The following PCLO variants were observed in gnomAD, a reference collection of about 807,000 sequenced individuals.
PCLO encodes the protein piccolo presynaptic cytomatrix protein.
PCLO carries 82 observed loss-of-function variants against 427.5 expected under a neutral mutation model. The ratio of observed to expected loss-of-function variants is 0.19; its 90% CI spans 0.16 to 0.23. PCLO has a LOEUF of 0.23. Among genes scored for constraint, PCLO ranks in the 10% least tolerant of loss-of-function variants. The pLI, the probability that PCLO is intolerant of heterozygous loss-of-function variation, is 1.00. For missense variants in PCLO, 6,239 were observed against 6,115.9 expected (o/e 1.02, Z -0.67); for synonymous variants, 2,357 against 2,155.4 (o/e 1.09, Z -2.59).
At chr7:83,069,414 C>A (rs551550952) in intron 3 of PCLO, among the ~76,000 whole-genome samples, 1 of 152,042 alleles carries the variant, frequency 6.6e-6, no homozygotes, top group Non-Finnish European at 1.5e-5. Context: ...GTAATAATTA[C>A]GTAATGTATA....
At chr7:82,856,094 G>C (rs1165410922) in intron 10 of PCLO, among the ~76,000 whole-genome samples, 1 of 152,054 alleles carries the variant, frequency 6.6e-6, no homozygotes, top group Non-Finnish European at 1.5e-5. Context: ...GGCGTGGACT[G>C]ATGTACAGAG....
At chr7:82,825,900 C>T (rs1791930921) in intron 18 of PCLO, among the ~76,000 whole-genome samples, 1 of 147,384 alleles carries the variant, frequency 6.8e-6, no homozygotes, top group Non-Finnish European at 1.5e-5. Flanking sequence ...ATATAATATT[C>T]CTATATATAA....
rs1288200973 is a variant in PCLO at position 82,892,926 on chromosome 7, AGGTGCT to A, written c.13528+9719_13528+9724del. 1.1e-4 allele frequency among the ~76,000 whole-genome samples: 16 copies of A among 152,242 alleles called. 2 individuals carry two copies. Among genetic ancestry groups the A allele is most frequent in the East Asian group, 9.7e-4 (5 of 5,172 alleles). On this transcript the variant is annotated intron_variant, in intron 9 of 24. Transcript: ENST00000333891. ...AATCATTAAAAAGTCAGGAAACAAC[AGGTGCT>A]GGAGAGGATGTGGAGACATAGGAAC...
At chr7:83,058,345 C>G (rs542302202) in intron 3 of PCLO, among the ~76,000 whole-genome samples, 1 of 152,226 alleles carries the variant, frequency 6.6e-6, no homozygotes, top group South Asian at 2.1e-4. Context: ...AAGTGCAGTA[C>G]ATTTTGAACC....
chr7:83,042,205 T>C (rs561515028), intron 3 of PCLO, among the ~76,000 whole-genome samples: 25 of 152,294 alleles, frequency 1.6e-4, no homozygotes, highest in African/African-American at 5.5e-4. Flanking sequence ...AAAGAAGGAA[T>C]ACTAAGTCCT....
intron 3 of PCLO, among the ~76,000 whole-genome samples, chr7:83,078,547 A>G (rs1295051797): frequency 6.6e-6 from 1 of 151,744 alleles, no homozygotes; most frequent in Admixed American, 6.6e-5. Context: ...TATTATTATT[A>G]TTGAGACGGA....
intron 5 of PCLO, 75 bp downstream of exon 5, chr7:82,951,781 A>G: frequency 6.6e-7 from 1 of 1,510,206 alleles, no homozygotes; most frequent in Non-Finnish European, 8.8e-7. Flanking sequence ...AAGAAGCCAC[A>G]TTTTCATCCT....
At chr7:83,092,798 T>C (rs1436001809) in intron 3 of PCLO, among the ~76,000 whole-genome samples, 3 of 151,064 alleles carry the variant, frequency 2.0e-5, no homozygotes, top group Non-Finnish European at 3.0e-5. Flanking sequence ...AAATACAAAG[T>C]TGGTCGGGTG....
rs1309662688 is a variant in PCLO, at chr7:83,075,770, A to T, written c.3300+58480T>A. 2.0e-5 allele frequency among the ~76,000 whole-genome samples: 3 copies of T among 152,154 alleles called. No homozygotes were observed. In the East Asian group the frequency reaches 5.8e-4, roughly 29 times the overall value. ...AATACCTTGATTTAATATGATTATG[A>T]CATTTTAAATAATTATAAATATTAG... is the stretch of plus-strand genomic sequence containing the variant. On this transcript the variant is annotated intron_variant, in intron 3 of 24. Coordinates refer to ENST00000333891, the MANE Select transcript of PCLO (RefSeq NM_033026.6).
Position 82,966,202 on chromosome 7 carries a change from C to T in PCLO, c.3586G>A (p.Glu1196Lys). The change falls in exon 4 of 25, where the codon GAA (glutamate) becomes AAA (lysine). Residue 1196 changes from glutamate to lysine, a missense_variant. Around this residue, in one of 5 missense-constraint regions of PCLO, gnomAD observed 4,677 missense variants for 4,468.4 expected, o/e 1.05. Coordinates refer to ENST00000333891, the MANE Select transcript of PCLO (RefSeq NM_033026.6). The stretch of plus-strand genomic sequence containing the variant: ...TTGTCTTTCTCTAGTTTACTCTCTT[C>T]TTGTTTTTGATCTGTGGTTACCATA... Reference protein sequence around the residue: ...PPMVTTDQKQEESKLEKDKAS... With the variant: ...PPMVTTDQKQKESKLEKDKAS... The T allele has an allele frequency of 6.2e-7, 1 of 1,605,778 alleles. No homozygotes were observed. The highest frequency in any genetic ancestry group is 8.5e-7 in the Non-Finnish European group (1 of 1,177,366).
intron 10 of PCLO, among the ~76,000 whole-genome samples, chr7:82,853,690 C>T (rs1792727354): frequency 1.3e-5 from 2 of 152,076 alleles, no homozygotes; most frequent in African/African-American, 2.4e-5. Context: ...GGTTTATGAG[C>T]CACCTTGCTG....
chr7:83,012,847 A>G (rs1388066991), intron 3 of PCLO, among the ~76,000 whole-genome samples: 1 of 152,090 alleles, frequency 6.6e-6, no homozygotes, highest in Non-Finnish European at 1.5e-5. Context: ...AAAACAGACC[A>G]GGTGTTTTAG....
chr7:82,865,347 G>C (rs1258866637), intron 10 of PCLO, among the ~76,000 whole-genome samples: 1 of 152,090 alleles, frequency 6.6e-6, no homozygotes, highest in Non-Finnish European at 1.5e-5. Flanking sequence ...AAGTAGCCAG[G>C]CATGGTGGCC....
At chr7:83,146,921 G>C (rs1412613994) in intron 2 of PCLO, among the ~76,000 whole-genome samples, 2 of 151,924 alleles carry the variant, frequency 1.3e-5, no homozygotes, top group Non-Finnish European at 2.9e-5. Flanking sequence ...GATCTTAACG[G>C]TGGGTATCTG....
chr7:82,884,567 T>C (rs542833949), intron 9 of PCLO, among the ~76,000 whole-genome samples: 4 of 152,128 alleles, frequency 2.6e-5, no homozygotes, highest in Non-Finnish European at 5.9e-5. Context: ...TATAAGACAA[T>C]TGCAAAATTA....
At chr7:82,998,621 C>A (rs934252804) in intron 3 of PCLO, among the ~76,000 whole-genome samples, 4 of 151,856 alleles carry the variant, frequency 2.6e-5, no homozygotes, top group Non-Finnish European at 5.9e-5. Context: ...ATGAAATTTA[C>A]AGTCCAGAGG....
Position 83,155,738 on chromosome 7 carries a change from T to C in PCLO, c.903A>G (p.Pro301=), listed in dbSNP as rs763320527. The stretch of plus-strand genomic sequence containing the variant: ...TTGGTTGCTGAATAGGTGGTTTGGA[T>C]GGGCTTGGCAGTGAGGGTTTAACTG... The part of the protein sequence containing the change: ...GESVKPSLPS[P]SKPPIQQPTP... Residue 301 remains proline (P), a synonymous_variant, in exon 2 of 25, where the codon CCA becomes CCG. Coordinates refer to ENST00000333891, the MANE Select transcript of PCLO (RefSeq NM_033026.6). The C allele has an allele frequency of 1.9e-6, 3 of 1,613,850 alleles. No individual in the cohort carries two copies. Among genetic ancestry groups the C allele is most frequent in the East Asian group, 4.5e-5 (2 of 44,878 alleles).
chr7:82,967,217 C>G (rs1296925153), intron 3 of PCLO, among the ~76,000 whole-genome samples: 3 of 144,090 alleles, frequency 2.1e-5, no homozygotes, highest in Middle Eastern at 3.4e-3. Flanking sequence ...TTTTTTTTGC[C>G]CAGGCTGGGG....
chr7:83,078,316 G>C (rs1790007175), intron 3 of PCLO, among the ~76,000 whole-genome samples: 1 of 151,960 alleles, frequency 6.6e-6, no homozygotes, highest in Non-Finnish European at 1.5e-5. Flanking sequence ...TAGTCTGGTA[G>C]CTCTGCACCA....
Sources: allele counts gnomAD v4.1 joint callset (sites outside exome capture counted in the v4.1 genomes callset), GRCh38; gene constraint gnomAD v4.1.1; regional missense constraint gnomAD v4.1.1; transcripts MANE v1.5; gene names NCBI Gene and HGNC (gene_info 2026-07-23, HGNC 2026-07-21).